The following MYO5C variants were observed in gnomAD, a reference collection of about 807,000 sequenced individuals.
MYO5C encodes myosin VC, also known as unconventional myosin-Vc.
Under a neutral mutation model 235.7 loss-of-function variants are expected in MYO5C, and 194 were observed. The ratio of observed to expected loss-of-function variants is 0.82; its 90% confidence interval spans 0.73 to 0.93. The LOEUF (loss-of-function observed/expected upper bound fraction) is 0.93. Among genes scored for constraint, MYO5C ranks in the 40% least tolerant of loss-of-function variants. The pLI is 0.00. For missense variants in MYO5C, 2,038 were observed against 2,127.2 expected, an observed-to-expected ratio of 0.96 and a Z score of 0.82; for synonymous variants, 707 against 754.8, an observed-to-expected ratio of 0.94 and a Z score of 1.04.
rs1253292959 is a variant in MYO5C at position 52,282,911 on chromosome 15, A to C, written c.28-19T>G. ...TGTTGTACTGACCAACAGGATGAGA[A>C]AAGCTGAATTTCAGGACTTCCAAAA... On this transcript the variant is annotated intron_variant, in intron 1 of 40. Transcript: ENST00000261839. 1 of 1,542,584 alleles carries C rather than the reference A, an allele frequency of 6.5e-7. No homozygotes were observed. Among genetic ancestry groups the C allele is most frequent in the South Asian group, 1.1e-5 (1 of 89,512 alleles).
intron 10 of MYO5C, 24 bp downstream of exon 10, chr15:52,260,838 C>T (rs756326567): frequency 1.2e-6 from 2 of 1,610,550 alleles, no homozygotes; most frequent in South Asian, 2.2e-5. Context: ...GGAGGAAAGA[C>T]AGGCTCACTG....
At chr15:52,284,646 A>G (rs1404716411) in intron 1 of MYO5C, among the ~76,000 whole-genome samples, 1 of 152,218 alleles carries the variant, frequency 6.6e-6, no homozygotes, top group Non-Finnish European at 1.5e-5. Flanking sequence ...GTTAATATGC[A>G]TACTAAAATA....
At chr15:52,281,738 G>A (rs527864885) in intron 2 of MYO5C, among the ~76,000 whole-genome samples, 24 of 152,352 alleles carry the variant, frequency 1.6e-4, no homozygotes, top group African/African-American at 5.5e-4. Context: ...TGATTCTAGA[G>A]GGTGTGTCTT....
chr15:52,256,587 A>ACACAGACGCGCGCGCGCG, intron 11 of MYO5C, 52 bp downstream of exon 11: 1 of 387,552 alleles, frequency 2.6e-6, no homozygotes, highest in Admixed American at 3.8e-5. Context: ...ACACACACAC[A>ACACAGACGCGCGCGCGCG]CGCGCGCGCG....
At chr15:52,202,577 AAGGCTCTGATGTGGCTTTACTTT>A (rs2035213308) in intron 38 of MYO5C, among the ~76,000 whole-genome samples, 2 of 152,256 alleles carry the variant, frequency 1.3e-5, no homozygotes, top group South Asian at 4.2e-4. Flanking sequence ...GAGTTTAGCA[AAGGCTCTGATGTGGCTTTACTTT>A]AGGGCTGAAA....
At chr15:52,258,723 G>A (rs1322283989) in intron 10 of MYO5C, among the ~76,000 whole-genome samples, 3 of 152,198 alleles carry the variant, frequency 2.0e-5, no homozygotes, top group Non-Finnish European at 1.5e-5. Context: ...TTTTGGAGGC[G>A]TATCATGAAC....
intron 34 of MYO5C, 21 bp from the exon 35 acceptor site, chr15:52,211,905 G>A (rs777288798): frequency 1.2e-6 from 2 of 1,610,796 alleles, no homozygotes; most frequent in Non-Finnish European, 1.7e-6. Flanking sequence ...GAGAGCCAAT[G>A]AGGATTACAG....
In MYO5C at chr15:52,295,747, G is replaced by C. The variant is rs1443547651; in HGVS notation, c.-111C>G. The C allele has an allele frequency of 5.5e-6, 4 of 730,080 alleles. No homozygotes were observed. The highest frequency in any genetic ancestry group is 3.1e-5 in the South Asian group (1 of 32,040). The allele number at this position is 730,080 out of a possible 1,614,324, so 45.2% of individuals were successfully genotyped here. A position where few individuals can be genotyped will look rare whatever the true frequency, so the allele number is the denominator to read the frequency against. On this transcript the variant is annotated 5_prime_UTR_variant, in exon 1 of 41. Coordinates refer to ENST00000261839, the MANE Select transcript of MYO5C (RefSeq NM_018728.4). ...AGAGACCGCCGCGGAAATCACCGCC[G>C]GGCCATCTTGCCCAAAGTTTTCCAA... is the stretch of plus-strand genomic sequence containing the variant.
At chr15:52,258,463 C>T (rs1204148552) in intron 10 of MYO5C, among the ~76,000 whole-genome samples, 2 of 152,188 alleles carry the variant, frequency 1.3e-5, no homozygotes, top group Non-Finnish European at 2.9e-5. Flanking sequence ...CATAAATACA[C>T]GACAGGCTGG....
Position 52,282,282 on chromosome 15 carries a change from T to G in MYO5C, c.138+500A>C, listed in dbSNP as rs572815434. Among the ~76,000 whole-genome samples, 458 of 152,196 alleles carry G rather than the reference T, an allele frequency of 3.0e-3. 2 individuals are homozygous for G. Among genetic ancestry groups the G allele is most frequent in the Non-Finnish European group, 5.3e-3 (362 of 67,974 alleles). ...CATTTCTATATATCTGTGGACCGAC[T>G]CCCTCCAGTCTCCTCCCACTCCTCC... On this transcript the variant is annotated intron_variant, in intron 2 of 40. Coordinates refer to ENST00000261839, the MANE Select transcript of MYO5C (RefSeq NM_018728.4).
At position 52,218,573 on chromosome 15, in the gene MYO5C, A is replaced by G. The variant is rs1369755074; in HGVS notation, c.3900T>C (p.Ser1300=). 1 of 1,614,258 alleles carries G rather than the reference A, an allele frequency of 6.2e-7. No individual in the cohort carries two copies. Among genetic ancestry groups the G allele is most frequent in the Non-Finnish European group, 8.5e-7 (1 of 1,180,036 alleles). ...DHLKKQFETE[S]EVKCNFRQEA... Reference sequence around the variant, plus strand: ...CCTGCCGGAAGTTACACTTGACTTCACTTTCAGTTTCAAATTGTTTCTTCA... The same window carrying G: ...CCTGCCGGAAGTTACACTTGACTTCGCTTTCAGTTTCAAATTGTTTCTTCA... The change falls in exon 32 of 41, where the codon AGT becomes AGC. Residue 1300 remains serine, a synonymous_variant. Coordinates refer to ENST00000261839, the MANE Select transcript of MYO5C (RefSeq NM_018728.4).
chr15:52,251,533 A>G lies in MYO5C; in HGVS notation c.1537-18T>C, dbSNP rs1265002505. Reference sequence around the variant, plus strand: ...TGTGGTAACTGGAAAAGAAAAATAAACCAAATAGCAAGTAAGAAAACCAGA... The same window carrying G: ...TGTGGTAACTGGAAAAGAAAAATAAGCCAAATAGCAAGTAAGAAAACCAGA... On this transcript the variant is annotated intron_variant, in intron 12 of 40. Transcript: ENST00000261839. 5 of 1,580,276 alleles carry G rather than the reference A, an allele frequency of 3.2e-6. No individual in the cohort carries two copies. Among genetic ancestry groups the G allele is most frequent in the Non-Finnish European group, 2.6e-6 (3 of 1,162,952 alleles).
In MYO5C at chr15:52,282,595, C is replaced by T. The variant is rs572728192; in HGVS notation, c.138+187G>A. Among the ~76,000 whole-genome samples the T allele has an allele frequency of 1.1e-4, 17 of 152,244 alleles. 1 individual carries two copies. The South Asian group carries it at 1.9e-3, about 17-fold the overall frequency. On this transcript the variant is annotated intron_variant, in intron 2 of 40. Coordinates refer to ENST00000261839, the MANE Select transcript of MYO5C (RefSeq NM_018728.4). ...CGGTGGATGCAGGGCAGCACAGGGG[C>T]GGGAGGGAAGGAGTACAGACACATC...
At chr15:52,221,404 CA>C in intron 29 of MYO5C, 149 bp from the exon 30 acceptor site, 1 of 580,904 alleles carries the variant, frequency 1.7e-6, no homozygotes, top group South Asian at 2.5e-5. Context: ...ACTGGATTAA[CA>C]TTTTTTTTTA....
intron 23 of MYO5C, among the ~76,000 whole-genome samples, chr15:52,235,271 C>T (rs75975295): frequency 3.9e-5 from 6 of 152,316 alleles, no homozygotes; most frequent in African/African-American, 1.2e-4. Context: ...TCTGACTGTA[C>T]ATCAGGATTA....
intron 8 of MYO5C, among the ~76,000 whole-genome samples, chr15:52,269,386 ATTTTTTTT>A (rs71130145): frequency 1.9e-5 from 2 of 103,996 alleles, no homozygotes; most frequent in Non-Finnish European, 3.7e-5. Context: ...CCACCTTTTA[ATTTTTTTT>A]TTTTTTTTTT....
intron 8 of MYO5C, among the ~76,000 whole-genome samples, chr15:52,266,263 A>C (rs1415833467): frequency 6.6e-6 from 1 of 152,168 alleles, no homozygotes; most frequent in Non-Finnish European, 1.5e-5. Context: ...TCAGATTTCC[A>C]GGGGGAGCTC....
Position 52,258,053 on chromosome 15 carries a change from G to C in MYO5C, c.1314-1333C>G, listed in dbSNP as rs185431561. ...GCTGGGCCTGGGGGAAGATTAAAAA[G>C]GGTCTCACTGAGCTCTGCAGCTCAC... On this transcript the variant is annotated intron_variant, in intron 10 of 40. Coordinates refer to ENST00000261839, the MANE Select transcript of MYO5C (RefSeq NM_018728.4). 7.9e-5 allele frequency among the ~76,000 whole-genome samples: 12 copies of C among 152,296 alleles called. No individual in the cohort carries two copies. The East Asian group carries it at 2.3e-3, about 29-fold the overall frequency.
intron 35 of MYO5C, 85 bp downstream of exon 35, chr15:52,211,645 T>C (rs1222398350): frequency 7.0e-7 from 1 of 1,434,036 alleles, no homozygotes; most frequent in Non-Finnish European, 9.6e-7. Flanking sequence ...CACCACACAA[T>C]GGAGGCTCAG....
Sources: allele counts gnomAD v4.1 joint callset (sites outside exome capture counted in the v4.1 genomes callset), GRCh38; gene constraint gnomAD v4.1.1; transcripts MANE v1.5; gene names NCBI Gene and HGNC (gene_info 2026-07-23, HGNC 2026-07-21).